The following DCTN4 variants were observed in gnomAD, a reference collection of about 807,000 sequenced individuals.
DCTN4 encodes dynactin subunit 4, also known as dynactin 4 (p62).
DCTN4 carries 23 observed loss-of-function variants against 62.7 expected under a neutral mutation model. The observed-to-expected ratio is 0.37, with a 90% CI of 0.26 to 0.52. DCTN4 has a LOEUF of 0.52. Among genes scored for constraint, DCTN4 ranks in the 20% least tolerant of loss-of-function variants. The pLI is 0.92. For missense variants in DCTN4, 514 were observed against 580.4 expected (o/e 0.89, Z 1.18); for synonymous variants, 199 against 202.1 (o/e 0.98, Z 0.13).
At chr5:150,724,158 T>C (rs1760055167) in intron 8 of DCTN4, among the ~76,000 whole-genome samples, 1 of 152,236 alleles carries the variant, frequency 6.6e-6, no homozygotes, top group South Asian at 2.1e-4. Flanking sequence ...GATATTCCAC[T>C]GCAGTTAATT....
intron 5 of DCTN4, among the ~76,000 whole-genome samples, chr5:150,732,347 C>T (rs966970306): frequency 5.3e-5 from 8 of 152,276 alleles, no homozygotes; most frequent in East Asian, 1.9e-4. Flanking sequence ...GACAGGGTTT[C>T]GCCATGTTGG....
chr5:150,717,809 T>C (rs1359677324), intron 11 of DCTN4, among the ~76,000 whole-genome samples: 1 of 152,178 alleles, frequency 6.6e-6, no homozygotes, highest in African/African-American at 2.4e-5. Context: ...TCTGTCTGGA[T>C]CACAACCACT....
intron 1 of DCTN4, 194 bp downstream of exon 1, chr5:150,758,665 C>A: frequency 7.9e-7 from 1 of 1,267,472 alleles, no homozygotes; most frequent in African/African-American, 1.5e-5. Flanking sequence ...AAGATCCGCT[C>A]AGTCCCACCC....
chr5:150,727,784 A>C lies in DCTN4; in HGVS notation c.834+2847T>G, dbSNP rs1006058620. Among the ~76,000 whole-genome samples the C allele has an allele frequency of 2.0e-3, 301 of 150,206 alleles. 1 individual carries two copies. Among genetic ancestry groups the C allele is most frequent in the Non-Finnish European group, 1.8e-3 (122 of 67,640 alleles). On this transcript the variant is annotated intron_variant, in intron 8 of 12. Coordinates refer to ENST00000447998, the MANE Select transcript of DCTN4 (RefSeq NM_016221.4). ...GAGCGAGACTCCGTCTCAAAAAAAA[A>C]AAAAAAAAAAAAACAAAAAACCCAA...
intron 8 of DCTN4, 37 bp from the exon 9 acceptor site, chr5:150,723,017 A>G (rs1760009846): frequency 4.8e-6 from 7 of 1,445,824 alleles, no homozygotes; most frequent in Non-Finnish European, 5.8e-6. Flanking sequence ...ATCAGAAGAC[A>G]ACAACACACT....
chr5:150,726,705 C>T (rs1275279347), intron 8 of DCTN4, among the ~76,000 whole-genome samples: 1 of 152,108 alleles, frequency 6.6e-6, no homozygotes, highest in East Asian at 1.9e-4. Context: ...AAAGGTATTA[C>T]CTTCCTTGGA....
At chr5:150,742,309 C>G in intron 3 of DCTN4, 152 bp from the exon 4 acceptor site, 1 of 743,036 alleles carries the variant, frequency 1.3e-6, no homozygotes, top group Non-Finnish European at 2.2e-6. Context: ...ATGTTCAGAA[C>G]AAAATTTTAA....
In DCTN4 at chr5:150,711,276, A is replaced by C. The variant is rs776503919; in HGVS notation, c.1256T>G (p.Phe419Cys). The C allele has an allele frequency of 6.2e-7, 1 of 1,613,490 alleles. No individual in the cohort carries two copies. Among genetic ancestry groups the C allele is most frequent in the East Asian group, 2.2e-5 (1 of 44,892 alleles). The change falls in exon 13 of 13, where the codon TTC becomes TGC. Residue 419 changes from phenylalanine (F) to cysteine (C), a missense_variant. By Grantham distance (205) the Phe-to-Cys change is radical. Coordinates refer to ENST00000447998, the MANE Select transcript of DCTN4 (RefSeq NM_016221.4). ...GTTTTTAAAATCATGCTTCATCTTG[A>C]AGCACACGGTCACTTCACCCTCCTC... ...QREEGEVTVCFKMKHDFKNLA... is the reference protein window; with the variant it reads ...QREEGEVTVCCKMKHDFKNLA...
intron 11 of DCTN4, among the ~76,000 whole-genome samples, chr5:150,717,437 C>T (rs1458765044): frequency 1.3e-5 from 2 of 152,006 alleles, no homozygotes; most frequent in African/African-American, 4.8e-5. Flanking sequence ...TTAGTAGAGA[C>T]GGGTTTCACC....
At chr5:150,735,611 A>G (rs146988051) in intron 4 of DCTN4, among the ~76,000 whole-genome samples, 17 of 152,304 alleles carry the variant, frequency 1.1e-4, no homozygotes, top group African/African-American at 4.1e-4. Context: ...ACAGGGGGAG[A>G]GCACCACATC....
chr5:150,716,703 A>G (rs1211755341), intron 11 of DCTN4, among the ~76,000 whole-genome samples: 1 of 152,164 alleles, frequency 6.6e-6, no homozygotes, highest in African/African-American at 2.4e-5. Flanking sequence ...GTGGATCACA[A>G]GGTCAAGCGA....
At chr5:150,719,860 T>G (rs2151473502) in intron 9 of DCTN4, 90 bp from the exon 10 acceptor site, 1 of 756,620 alleles carries the variant, frequency 1.3e-6, no homozygotes, top group Non-Finnish European at 2.1e-6. Context: ...CATAAAGGAT[T>G]TCATGTTAAT....
intron 2 of DCTN4, chr5:150,755,403 A>G: frequency 2.7e-6 from 1 of 372,326 alleles, no homozygotes; most frequent in Non-Finnish European, 5.3e-6. Context: ...AAAGAAGGAA[A>G]AGCAGTAACT....
chr5:150,757,063 A>T (rs1168891629), intron 1 of DCTN4, among the ~76,000 whole-genome samples: 1 of 152,170 alleles, frequency 6.6e-6, no homozygotes, highest in Admixed American at 6.5e-5. Flanking sequence ...ATTTAAGTTC[A>T]TTTTATTTTT....
rs558601986 is a variant in DCTN4, at chr5:150,712,188, G to A, written c.1170-826C>T. Among the ~76,000 whole-genome samples, 3 of 152,264 alleles carry A rather than the reference G, an allele frequency of 2.0e-5. No homozygotes were observed. The South Asian group carries it at 6.2e-4, about 32-fold the overall frequency. ...TCTGTCACCCAGGCTGGAGTGCAGTGGCGCAATCTTGGCTCACCGCAACCT... is the reference window on the plus strand; with the variant it reads ...TCTGTCACCCAGGCTGGAGTGCAGTAGCGCAATCTTGGCTCACCGCAACCT... On this transcript the variant is annotated intron_variant, in intron 12 of 12. Coordinates refer to ENST00000447998, the MANE Select transcript of DCTN4 (RefSeq NM_016221.4).
intron 3 of DCTN4, chr5:150,742,746 AAAAAC>A (rs1760812536): frequency 6.5e-6 from 1 of 152,676 alleles, no homozygotes; most frequent in Non-Finnish European, 1.5e-5. Context: ...TCCACACATC[AAAAAC>A]AAAACAAAAA....
At chr5:150,739,842 C>T (rs928605565) in intron 4 of DCTN4, among the ~76,000 whole-genome samples, 1 of 152,134 alleles carries the variant, frequency 6.6e-6, no homozygotes, top group Non-Finnish European at 1.5e-5. Flanking sequence ...ACATCCTATT[C>T]AATAAATGGT....
At chr5:150,758,695 A>C in intron 1 of DCTN4, 164 bp downstream of exon 1, 2 of 1,321,784 alleles carry the variant, frequency 1.5e-6, no homozygotes, top group South Asian at 2.8e-5. Flanking sequence ...CCTCCTTTCC[A>C]AGTGACAGAT....
At chr5:150,749,052 G>GT (rs1581600744) in intron 3 of DCTN4, among the ~76,000 whole-genome samples, 1 of 151,328 alleles carries the variant, frequency 6.6e-6, no homozygotes, top group South Asian at 2.1e-4. Flanking sequence ...TTAGGCTAAA[G>GT]TTTTTTTAAT....
Sources: allele counts gnomAD v4.1 joint callset (sites outside exome capture counted in the v4.1 genomes callset), GRCh38; gene constraint gnomAD v4.1.1; transcripts MANE v1.5; gene names NCBI Gene and HGNC (gene_info 2026-07-23, HGNC 2026-07-21).